The following ACAN variants were observed in gnomAD, a reference collection of about 807,000 sequenced individuals.
ACAN encodes the protein aggrecan.
In ACAN, 47 loss-of-function variants were observed where a neutral mutation model predicts 169.1. That is an observed-to-expected ratio of 0.28 (90% confidence interval 0.22 to 0.35). The LOEUF (loss-of-function observed/expected upper bound fraction) is 0.35. ACAN is among the 10% of genes least tolerant of loss of function. The pLI is 1.00. For missense variants in ACAN, 2,716 were observed against 2,759.9 expected, an observed-to-expected ratio of 0.98 and a Z score of 0.36; for synonymous variants, 1,115 against 1,112.2, an observed-to-expected ratio of 1.00 and a Z score of -0.05.
rs372888180 is a variant in ACAN at position 88,871,443 on chromosome 15, G to A, written c.7122G>A (p.Pro2374=). The change falls in exon 15 of 19, where the codon CCG becomes CCA. Residue 2374 remains proline (P), a synonymous_variant. Coordinates refer to ENST00000560601, the MANE Select transcript of ACAN (RefSeq NM_001369268.1). This position sits in a 1 kb window ranked among gnomAD's most constrained non-coding sequence, Gnocchi z 7.8. ...AGGGCCACTGTTACCGCCACTTCCC[G>A]GACCGCGAGACCTGGGTGGATGCTG... ...KYQGHCYRHF[P]DRETWVDAER... 171 of 1,613,936 alleles carry A rather than the reference G, an allele frequency of 1.1e-4. No individual in the cohort carries two copies. Among genetic ancestry groups the A allele is most frequent in the Non-Finnish European group, 1.3e-4 (152 of 1,179,894 alleles).
chr15:88,841,816 C>G lies in ACAN; in HGVS notation c.706C>G (p.Arg236Gly). The change falls in exon 5 of 19, where the codon CGA becomes GGA. Residue 236 changes from arginine (R) to glycine (G), a missense_variant. By Grantham distance (125) the Arg-to-Gly change is moderately radical. Coordinates refer to ENST00000560601, the MANE Select transcript of ACAN (RefSeq NM_001369268.1). The stretch of plus-strand genomic sequence containing the variant: ...TCCTGGTGTGAGGACGTATGGCATC[C>G]GAGACACCAACGAGACCTATGATGT... ...EFPGVRTYGIRDTNETYDVYC... is the reference protein window; with the variant it reads ...EFPGVRTYGIGDTNETYDVYC... 1 of 1,613,520 alleles carries G rather than the reference C, an allele frequency of 6.2e-7. No individual in the cohort carries two copies. The highest frequency in any genetic ancestry group is 1.1e-5 in the South Asian group (1 of 90,998).
In ACAN at chr15:88,847,365, G is replaced by C. The variant is rs267604363; in HGVS notation, c.1552G>C (p.Glu518Gln). 5.0e-6 allele frequency: 8 copies of C among 1,593,180 alleles called. No homozygotes were observed. The South Asian group carries it at 9.2e-5, about 18-fold the overall frequency. The part of the protein sequence containing the change: ...ASPEQLQAAY[E>Q]AGYEQCDAGW... The stretch of plus-strand genomic sequence containing the variant: ...GCCGGAGCAGCTCCAGGCCGCCTAC[G>C]AAGCAGGCTATGAGCAGTGTGACGC... Residue 518 changes from glutamate (E) to glutamine (Q), a missense_variant, in exon 8 of 19, where the codon GAA becomes CAA. By Grantham distance (29) the Glu-to-Gln change is conservative (BLOSUM62 2). Coordinates refer to ENST00000560601, the MANE Select transcript of ACAN (RefSeq NM_001369268.1).
At chr15:88,820,491 C>T (rs1234641682) in intron 1 of ACAN, among the ~76,000 whole-genome samples, 1 of 152,194 alleles carries the variant, frequency 6.6e-6, no homozygotes, top group African/African-American at 2.4e-5. Context: ...TCTTCAGAAT[C>T]TGGCCCCACT....
intron 1 of ACAN, among the ~76,000 whole-genome samples, chr15:88,834,505 C>T (rs896783281): frequency 1.4e-4 from 22 of 152,196 alleles, no homozygotes; most frequent in African/African-American, 2.4e-5. Flanking sequence ...GAGCCAAGAG[C>T]GACACCTGCT....
Position 88,873,804 on chromosome 15 carries a change from C to T in ACAN, c.7448-38C>T. The T allele has an allele frequency of 1.2e-6, 2 of 1,601,236 alleles. No homozygotes were observed. The highest frequency in any genetic ancestry group is 1.7e-6 in the Non-Finnish European group (2 of 1,171,746). ...AACCAGCATAGGTCATCCCAGGAGA[C>T]CCTATGAGACCCTTTATAAAGGGTG... On this transcript the variant is annotated intron_variant, in intron 17 of 18. Coordinates refer to ENST00000560601, the MANE Select transcript of ACAN (RefSeq NM_001369268.1). The surrounding 1 kb of genome is among the most constrained non-coding windows in gnomAD (Gnocchi z 7.5).
chr15:88,846,278 T>A (rs1166277111), intron 7 of ACAN, among the ~76,000 whole-genome samples: 1 of 152,158 alleles, frequency 6.6e-6, no homozygotes, highest in African/African-American at 2.4e-5. Flanking sequence ...CTGAGGCCTC[T>A]CACTGCTCTG....
chr15:88,829,722 C>T (rs969428395), intron 1 of ACAN, among the ~76,000 whole-genome samples: 1 of 152,182 alleles, frequency 6.6e-6, no homozygotes, highest in African/African-American at 2.4e-5. Context: ...GTCAGGGACA[C>T]AGAGCCACCT....
chr15:88,821,790 G>C (rs1025873466), intron 1 of ACAN, among the ~76,000 whole-genome samples: 6 of 152,154 alleles, frequency 3.9e-5, no homozygotes, highest in Admixed American at 2.6e-4. Flanking sequence ...GGATCAGGGT[G>C]GGAGGTGTCC....
rs776985817 is a variant in ACAN at position 88,843,475 on chromosome 15, G to A, written c.878G>A (p.Gly293Asp). 6.2e-7 allele frequency: 1 copy of A among 1,611,956 alleles called. No individual in the cohort carries two copies. Reference protein sequence around the residue: ...TGQLYLAWQAGMDMCSAGWLA... With the variant: ...TGQLYLAWQADMDMCSAGWLA... ...CAGCTCTACCTGGCCTGGCAGGCTG[G>A]CATGGACATGTGCAGCGCCGGCTGG... Residue 293 changes from glycine to aspartate, a missense_variant, in exon 6 of 19, where the codon GGC (glycine) becomes GAC (aspartate). Physicochemically the swap from Gly to Asp is moderately conservative, Grantham distance 94. This residue lies in a region of ACAN where 1,283 missense variants were observed against 1,281.5 expected (regional missense o/e 1.00). Coordinates refer to ENST00000560601, the MANE Select transcript of ACAN (RefSeq NM_001369268.1). The surrounding 1 kb of genome is among the most constrained non-coding windows in gnomAD (Gnocchi z 4.0).
intron 1 of ACAN, among the ~76,000 whole-genome samples, chr15:88,818,699 C>T (rs1160041463): frequency 6.6e-6 from 1 of 152,100 alleles, no homozygotes; most frequent in Non-Finnish European, 1.5e-5. Flanking sequence ...TGGGGGTCTC[C>T]AATATGGTGC....
At position 88,868,460 on chromosome 15, in the gene ACAN, G is replaced by A. The variant is rs1897316496; in HGVS notation, c.7060+131G>A. The A allele has an allele frequency of 1.7e-6, 1 of 581,744 alleles. No homozygotes were observed. Among genetic ancestry groups the A allele is most frequent in the East Asian group, 2.9e-5 (1 of 34,774 alleles). The allele number at this position is 581,744 out of a possible 1,614,324, so 36.0% of individuals were successfully genotyped here. A position where few individuals can be genotyped will look rare whatever the true frequency, so the allele number is the denominator to read the frequency against. On this transcript the variant is annotated intron_variant, in intron 14 of 18. Transcript: ENST00000560601. The surrounding 1 kb of genome is among the most constrained non-coding windows in gnomAD (Gnocchi z 5.2). ...GAGGTTCATCTGGAGAGCCATTTCA[G>A]GGGCCACAACTGAAAATTCTGCCCC...
intron 11 of ACAN, among the ~76,000 whole-genome samples, chr15:88,854,397 C>G (rs1348189703): frequency 1.3e-5 from 2 of 152,176 alleles, no homozygotes; most frequent in Non-Finnish European, 2.9e-5. Flanking sequence ...GGTGCTCTTG[C>G]TGCGAGTCCA....
intron 4 of ACAN, 111 bp downstream of exon 4, chr15:88,840,297 T>C (rs1359572044): frequency 1.5e-6 from 2 of 1,340,640 alleles, no homozygotes; most frequent in East Asian, 2.5e-5. Context: ...AGCATGACAC[T>C]GTGGCCAGCC....
intron 11 of ACAN, among the ~76,000 whole-genome samples, chr15:88,854,437 G>C (rs1219824852): frequency 6.6e-6 from 1 of 152,216 alleles, no homozygotes; most frequent in Non-Finnish European, 1.5e-5. Context: ...CCAAATCAAT[G>C]AGATGGTAAT....
chr15:88,835,464 A>G (rs1433427089), intron 1 of ACAN, among the ~76,000 whole-genome samples: 1 of 152,168 alleles, frequency 6.6e-6, no homozygotes, highest in East Asian at 1.9e-4. Context: ...GAATGGGTTC[A>G]TGCAATTATA....
At position 88,858,118 on chromosome 15, in the gene ACAN, AAAG is replaced by A. The variant is rs749920465; in HGVS notation, c.5543_5545del (p.Glu1848del). 21 of 1,613,856 alleles carry A rather than the reference AAAG, an allele frequency of 1.3e-5. No individual in the cohort carries two copies. Among genetic ancestry groups the A allele is most frequent in the Admixed American group, 1.0e-4 (6 of 60,014 alleles). ...GGTTGAAGTGGCCCCTACTACATTT[AAAG>A]AAGAAGAAGGCTTAGGGTCTGTGGA... On this transcript the variant is annotated inframe_deletion, in exon 12 of 19. Transcript: ENST00000560601. This position sits in a 1 kb window ranked among gnomAD's most constrained non-coding sequence, Gnocchi z 4.0.
In ACAN at chr15:88,817,661, C is replaced by T. The variant is rs191694746; in HGVS notation, c.-8+13852C>T. On this transcript the variant is annotated intron_variant, in intron 1 of 18. Transcript: ENST00000560601. ...TTGAGCTCAGGAGTTCAAGACCAGCCTGAGAAACATGGTGAAACCCTGTCT... is the reference window on the plus strand; with the variant it reads ...TTGAGCTCAGGAGTTCAAGACCAGCTTGAGAAACATGGTGAAACCCTGTCT... 9.2e-5 allele frequency among the ~76,000 whole-genome samples: 14 copies of T among 151,714 alleles called. No individual in the cohort carries two copies. The East Asian group carries it at 2.7e-3, about 30-fold the overall frequency.
intron 1 of ACAN, among the ~76,000 whole-genome samples, chr15:88,820,637 A>G (rs1353772670): frequency 6.6e-6 from 1 of 151,960 alleles, no homozygotes; most frequent in African/African-American, 2.4e-5. Context: ...TCAAGGCTAA[A>G]CTCAAATCCT....
chr15:88,841,616 A>G, intron 4 of ACAN, 124 bp from the exon 5 acceptor site: 2 of 1,249,532 alleles, frequency 1.6e-6, no homozygotes, highest in Admixed American at 1.9e-5. Context: ...CATATTCAGA[A>G]GAGACATTGT....
Sources: allele counts gnomAD v4.1 joint callset (sites outside exome capture counted in the v4.1 genomes callset), GRCh38; gene constraint gnomAD v4.1.1; regional missense constraint gnomAD v4.1.1; non-coding constraint Gnocchi (gnomAD v3.1); transcripts MANE v1.5; gene names NCBI Gene and HGNC (gene_info 2026-07-23, HGNC 2026-07-21).